GRM7: variants seen among roughly 807,000 people sequenced by gnomAD.
GRM7 encodes glutamate metabotropic receptor 7.
GRM7 carries 35 observed loss-of-function variants against 84.5 expected under a neutral mutation model. The ratio of observed to expected loss-of-function variants is 0.41; its 90% confidence interval spans 0.32 to 0.55. GRM7 has a LOEUF of 0.55. Among genes scored for constraint, GRM7 ranks in the 20% least tolerant of loss-of-function variants. The pLI is 0.19. For missense variants in GRM7, 1,003 were observed against 1,194.6 expected (o/e 0.84, Z 2.36); for synonymous variants, 487 against 455.1 (o/e 1.07, Z -0.89).
intron 1 of GRM7, among the ~76,000 whole-genome samples, chr3:7,127,311 T>C (rs1422246644): frequency 6.6e-6 from 1 of 152,176 alleles, no homozygotes; most frequent in Non-Finnish European, 1.5e-5. Context: ...ATGATTCCAA[T>C]GAAGTGTTCA....
At chr3:7,552,559 C>A (rs1262131179) in intron 7 of GRM7, among the ~76,000 whole-genome samples, 2 of 152,188 alleles carry the variant, frequency 1.3e-5, no homozygotes, top group Admixed American at 6.5e-5. Context: ...TTCCATATAT[C>A]CTCTGAAATC....
chr3:7,389,868 G>A (rs982985863), intron 4 of GRM7, among the ~76,000 whole-genome samples: 5 of 151,944 alleles, frequency 3.3e-5, no homozygotes, highest in Non-Finnish European at 7.4e-5. Context: ...TGATATGTGA[G>A]GCTTTGTTCT....
intron 9 of GRM7, among the ~76,000 whole-genome samples, chr3:7,698,410 G>T (rs957626086): frequency 6.6e-6 from 1 of 152,146 alleles, no homozygotes; most frequent in African/African-American, 2.4e-5. Flanking sequence ...GACATCATTA[G>T]GCTCCTTTTA....
intron 1 of GRM7, among the ~76,000 whole-genome samples, chr3:7,014,549 C>CA (rs1695494918): frequency 1.3e-5 from 2 of 152,064 alleles, no homozygotes; most frequent in African/African-American, 4.8e-5. Context: ...CTCCTGGCCT[C>CA]AAGTGATTTG....
At chr3:7,033,589 T>G (rs1448993613) in intron 1 of GRM7, among the ~76,000 whole-genome samples, 1 of 152,184 alleles carries the variant, frequency 6.6e-6, no homozygotes, top group Non-Finnish European at 1.5e-5. Flanking sequence ...ACAAAATGTT[T>G]ATGAAAGGTT....
At chr3:6,868,247 C>G (rs1695002313) in intron 1 of GRM7, among the ~76,000 whole-genome samples, 1 of 152,186 alleles carries the variant, frequency 6.6e-6, no homozygotes, top group Non-Finnish European at 1.5e-5. Context: ...TCAGATTTGT[C>G]TGACAACAAA....
At chr3:7,489,342 A>G (rs1011545060) in intron 7 of GRM7, among the ~76,000 whole-genome samples, 1 of 152,278 alleles carries the variant, frequency 6.6e-6, no homozygotes, top group Admixed American at 6.5e-5. Context: ...ACCAGTTTAC[A>G]TCATCTAATT....
chr3:6,998,199 C>T (rs1000359997), intron 1 of GRM7, among the ~76,000 whole-genome samples: 5 of 146,230 alleles, frequency 3.4e-5, no homozygotes, highest in African/African-American at 9.9e-5. Context: ...TACACCCATT[C>T]CAAATGGGAG....
chr3:7,683,828 G>A (rs1041636439), intron 9 of GRM7, among the ~76,000 whole-genome samples: 2 of 152,212 alleles, frequency 1.3e-5, no homozygotes, highest in Non-Finnish European at 1.5e-5. Context: ...GTATTGGACA[G>A]TGTAGCTCTA....
chr3:7,559,523 GAT>G (rs1693918556), intron 7 of GRM7, among the ~76,000 whole-genome samples: 1 of 152,000 alleles, frequency 6.6e-6, no homozygotes, highest in South Asian at 2.1e-4. Context: ...CCAATAAAAT[GAT>G]AACCCTTCTG....
At chr3:6,952,826 C>T (rs960377580) in intron 1 of GRM7, among the ~76,000 whole-genome samples, 1 of 152,130 alleles carries the variant, frequency 6.6e-6, no homozygotes, top group African/African-American at 2.4e-5. Context: ...ATTAATAGTA[C>T]CATATGACTT....
At chr3:7,116,499 C>G (rs1693038281) in intron 1 of GRM7, among the ~76,000 whole-genome samples, 1 of 152,082 alleles carries the variant, frequency 6.6e-6, no homozygotes, top group Admixed American at 6.6e-5. Flanking sequence ...AGTCCCTCAC[C>G]ACAGTCACAT....
intron 8 of GRM7, among the ~76,000 whole-genome samples, chr3:7,644,028 A>ACG (rs1394835873): frequency 1.8e-5 from 1 of 56,144 alleles, no homozygotes; most frequent in Admixed American, 1.8e-4. Flanking sequence ...ATACACACAC[A>ACG]CACACACCAT....
At chr3:6,983,077 A>T (rs1694268037) in intron 1 of GRM7, among the ~76,000 whole-genome samples, 1 of 152,230 alleles carries the variant, frequency 6.6e-6, no homozygotes, top group African/African-American at 2.4e-5. Flanking sequence ...TATAATTATA[A>T]AATTGTCTCT....
intron 2 of GRM7, among the ~76,000 whole-genome samples, chr3:7,295,827 T>G (rs1167625200): frequency 9.3e-5 from 14 of 150,764 alleles, no homozygotes; most frequent in East Asian, 1.9e-4. Flanking sequence ...AGCTTTTTTT[T>G]GGGGGGGGGA....
At chr3:7,217,707 ATAT>A (rs1388802382) in intron 2 of GRM7, among the ~76,000 whole-genome samples, 3 of 148,962 alleles carry the variant, frequency 2.0e-5, no homozygotes, top group Non-Finnish European at 3.0e-5. Context: ...ATAATATAAA[ATAT>A]TATATTTACT....
At chr3:7,428,114 C>T (rs562922092) in intron 5 of GRM7, among the ~76,000 whole-genome samples, 3 of 152,226 alleles carry the variant, frequency 2.0e-5, no homozygotes, top group South Asian at 4.1e-4. Flanking sequence ...ACAGAAAACA[C>T]GGGTTTCTGA....
chr3:7,409,374 C>T (rs949248236), intron 4 of GRM7, among the ~76,000 whole-genome samples: 1 of 151,604 alleles, frequency 6.6e-6, no homozygotes, highest in Admixed American at 6.6e-5. Context: ...TCCTGAAAGA[C>T]AAAAGCCCTG....
At chr3:6,885,745 C>T (rs1695668360) in intron 1 of GRM7, among the ~76,000 whole-genome samples, 1 of 152,242 alleles carries the variant, frequency 6.6e-6, no homozygotes, top group African/African-American at 2.4e-5. Flanking sequence ...GTTTACCCCA[C>T]AAATGCCCGC....
Sources: allele counts gnomAD v4.1 joint callset (sites outside exome capture counted in the v4.1 genomes callset), GRCh38; gene constraint gnomAD v4.1.1; transcripts MANE v1.5; gene names NCBI Gene and HGNC (gene_info 2026-07-23, HGNC 2026-07-21).